Variants in CWF19L1 observed in about 807,000 individuals in gnomAD.
CWF19L1 encodes CWF19-like protein 1.
Under a neutral mutation model 69.7 loss-of-function variants are expected in CWF19L1, and 60 were observed. That is an observed-to-expected ratio of 0.86 (90% confidence interval 0.70 to 1.07). The LOEUF (loss-of-function observed/expected upper bound fraction) is 1.07, where lower values mean the gene tolerates loss of function less well. Among genes scored for constraint, CWF19L1 ranks in the 50% least tolerant of loss-of-function variants. The pLI, the probability that CWF19L1 is intolerant of heterozygous loss-of-function variation, is 0.00. For synonymous variants in CWF19L1, 209 were observed against 222.2 expected (o/e 0.94, Z 0.53); for missense variants, 591 against 638.9 (o/e 0.92, Z 0.81).
chr10:100,243,614 G>T, intron 10 of CWF19L1, 84 bp downstream of exon 10: 3 of 1,179,464 alleles, frequency 2.5e-6, no homozygotes, highest in Non-Finnish European at 3.8e-6. Context: ...ATGGGTAAAT[G>T]TTATATGTAG....
At position 100,262,556 on chromosome 10, in the gene CWF19L1, TA is replaced by T. The variant is rs570977233; in HGVS notation, c.24-494del. 222 of 752,520 alleles carry T rather than the reference TA, an allele frequency of 3.0e-4. No homozygotes were observed. The African/African-American group carries it at 4.0e-3, about 14-fold the overall frequency. The allele number at this position is 752,520 out of a possible 1,614,324, so 46.6% of individuals were successfully genotyped here. A position where few individuals can be genotyped will look rare whatever the true frequency, so the allele number is the denominator to read the frequency against. On this transcript the variant is annotated intron_variant, in intron 1 of 13. Coordinates refer to ENST00000354105, the MANE Select transcript of CWF19L1 (RefSeq NM_018294.6). ...GTACAATATGCCAAGTATACTATGCTAAAAACATGTTAGCAGTACAAGGTGG... is the reference window on the plus strand; with the variant it reads ...GTACAATATGCCAAGTATACTATGCTAAAACATGTTAGCAGTACAAGGTGG...
intron 10 of CWF19L1, among the ~76,000 whole-genome samples, chr10:100,239,795 G>C (rs977787331): frequency 1.3e-5 from 2 of 152,194 alleles, no homozygotes; most frequent in African/African-American, 4.8e-5. Context: ...TCCTTGATTT[G>C]TTTGGCAGAG....
chr10:100,256,217 G>T, intron 5 of CWF19L1, 45 bp downstream of exon 5: 1 of 1,455,130 alleles, frequency 6.9e-7, no homozygotes, highest in Non-Finnish European at 9.6e-7. Flanking sequence ...ACTCAAGCCA[G>T]TGCAATTTGC....
At chr10:100,260,345 C>A in intron 3 of CWF19L1, 26 bp from the exon 4 acceptor site, 1 of 1,283,742 alleles carries the variant, frequency 7.8e-7, no homozygotes, top group Admixed American at 1.8e-5. Context: ...GACATGACAC[C>A]ATATAGTTAC....
At chr10:100,253,818 A>G in intron 5 of CWF19L1, 1 of 306,598 alleles carries the variant, frequency 3.3e-6, no homozygotes, top group Non-Finnish European at 5.9e-6. Flanking sequence ...AATTATTAAA[A>G]CCTTTTTTGG....
In CWF19L1 at chr10:100,246,925, G is replaced by C; in HGVS notation, c.719C>G (p.Ala240Gly). The change falls in exon 8 of 14, where the codon GCG (alanine) becomes GGG (glycine). Residue 240 changes from alanine to glycine, a missense_variant. Ala to Gly is a moderately conservative substitution (Grantham distance 60). Transcript: ENST00000354105. Reference sequence around the variant, plus strand: ...TAGCTTCATGGGAACAATACTGAACGCGTAAAGATACTTTAGAGAAAAAGA... The same window carrying C: ...TAGCTTCATGGGAACAATACTGAACCCGTAAAGATACTTTAGAGAAAAAGA... ...GNPEKKKYLY[A>G]FSIVPMKLMD... 1.9e-6 allele frequency: 3 copies of C among 1,605,858 alleles called. 1 individual carries two copies. Among genetic ancestry groups the C allele is most frequent in the South Asian group, 2.2e-5 (2 of 90,080 alleles).
chr10:100,259,859 T>C (rs1282042839), intron 4 of CWF19L1, among the ~76,000 whole-genome samples: 2 of 152,172 alleles, frequency 1.3e-5, no homozygotes, highest in East Asian at 3.8e-4. Flanking sequence ...CACTATATTA[T>C]GTTCATTACA....
intron 6 of CWF19L1, among the ~76,000 whole-genome samples, chr10:100,250,939 T>A (rs1847007087): frequency 6.8e-6 from 1 of 147,374 alleles, no homozygotes; most frequent in Admixed American, 6.8e-5. Context: ...CAGAATGAGA[T>A]CTTGTCTCAA....
At chr10:100,237,160 G>A in intron 11 of CWF19L1, 191 bp from the exon 12 acceptor site, 2 of 761,534 alleles carry the variant, frequency 2.6e-6, no homozygotes, top group South Asian at 1.4e-5. Context: ...CCTGACACAT[G>A]TGGGAGCCAT....
chr10:100,250,176 A>T, intron 7 of CWF19L1, 72 bp downstream of exon 7: 1 of 1,053,928 alleles, frequency 9.5e-7, no homozygotes, highest in South Asian at 1.3e-5. Flanking sequence ...TCTGAATGCT[A>T]AACTGGACAA....
intron 2 of CWF19L1, 125 bp downstream of exon 2, chr10:100,261,854 C>T: frequency 1.4e-6 from 1 of 722,308 alleles, no homozygotes; most frequent in Non-Finnish European, 2.2e-6. Context: ...AGTTCCTATG[C>T]TCATGAAGGG....
At chr10:100,247,034 A>G in intron 7 of CWF19L1, 99 bp from the exon 8 acceptor site, 1 of 1,141,646 alleles carries the variant, frequency 8.8e-7, no homozygotes, top group South Asian at 1.9e-5. Flanking sequence ...AACATGTGAA[A>G]CTCAGTAAAA....
At chr10:100,237,920 A>AGCCACC (rs1846500545) in intron 11 of CWF19L1, 102 bp downstream of exon 11, 5 of 1,133,678 alleles carry the variant, frequency 4.4e-6, no homozygotes, top group Non-Finnish European at 6.6e-6. Context: ...AAGTGCTAGG[A>AGCCACC]TTACAGGCGT....
At chr10:100,250,544 T>C (rs1208368111) in intron 6 of CWF19L1, among the ~76,000 whole-genome samples, 1 of 152,216 alleles carries the variant, frequency 6.6e-6, no homozygotes, top group Non-Finnish European at 1.5e-5. Context: ...TGAGATTATG[T>C]CTTCAGAAAC....
In CWF19L1 at chr10:100,232,867, A is replaced by G. The variant is rs936395118; in HGVS notation, c.*360T>C. The G allele has an allele frequency of 2.5e-4, 40 of 159,020 alleles. No individual in the cohort carries two copies. Among genetic ancestry groups the G allele is most frequent in the Non-Finnish European group, 4.7e-4 (34 of 72,482 alleles). The allele number at this position is 159,020 out of a possible 1,614,324, so 9.9% of individuals were successfully genotyped here. A position where few individuals can be genotyped will look rare whatever the true frequency, so the allele number is the denominator to read the frequency against. ...TTCTTTAAAAATAGGCTTCTAGGCC[A>G]GGAATGGTGTCTCATGCTTGTAATC... On this transcript the variant is annotated 3_prime_UTR_variant, in exon 14 of 14. Coordinates refer to ENST00000354105, the MANE Select transcript of CWF19L1 (RefSeq NM_018294.6).
At chr10:100,265,965 T>C (rs945096119) in intron 1 of CWF19L1, among the ~76,000 whole-genome samples, 2 of 152,188 alleles carry the variant, frequency 1.3e-5, no homozygotes, top group Non-Finnish European at 2.9e-5. Flanking sequence ...CATCTAGGTC[T>C]CTGGAAGTAC....
intron 10 of CWF19L1, among the ~76,000 whole-genome samples, chr10:100,240,984 G>A (rs1342950416): frequency 7.2e-6 from 1 of 139,058 alleles, no homozygotes; most frequent in Non-Finnish European, 1.5e-5. Flanking sequence ...AGACAGGAGT[G>A]TGCCACTAAT....
At chr10:100,266,533 T>A (rs974923326) in intron 1 of CWF19L1, among the ~76,000 whole-genome samples, 1 of 151,360 alleles carries the variant, frequency 6.6e-6, no homozygotes, top group South Asian at 2.1e-4. Flanking sequence ...CCTTTTTTTT[T>A]AGACGGAGTC....
intron 4 of CWF19L1, among the ~76,000 whole-genome samples, chr10:100,257,503 T>C (rs529856489): frequency 6.6e-6 from 1 of 152,072 alleles, no homozygotes; most frequent in South Asian, 2.1e-4. Flanking sequence ...TTTCATCATG[T>C]TGGCCAGGAT....
Sources: gnomAD v4.1 joint callset for allele counts (sites outside exome capture counted in the v4.1 genomes callset) on GRCh38, gnomAD v4.1.1 for gene constraint, MANE v1.5 for transcripts, NCBI Gene and HGNC (gene_info 2026-07-23, HGNC 2026-07-21) for gene names.